Variants in CDH13 observed in about 807,000 individuals in gnomAD.
CDH13 encodes cadherin 13.
CDH13 carries 24 observed loss-of-function variants against 63.8 expected under a neutral mutation model. The ratio of observed to expected loss-of-function variants is 0.38; its 90% CI spans 0.27 to 0.53. The LOEUF is 0.53. CDH13 is among the 20% of genes least tolerant of loss of function. The pLI is 0.85. For missense variants in CDH13, 1,049 were observed against 903.1 expected (o/e 1.16, Z -2.07); for synonymous variants, 503 against 355.3 (o/e 1.42, Z -4.67).
intron 3 of CDH13, among the ~76,000 whole-genome samples, chr16:83,086,981 G>T (rs1376183564): frequency 1.3e-5 from 2 of 152,132 alleles, no homozygotes; most frequent in Non-Finnish European, 2.9e-5. Context: ...TATAAAAAAA[G>T]ACTTCCTGTC....
chr16:83,202,044 G>A (rs2039047596), intron 4 of CDH13, among the ~76,000 whole-genome samples: 2 of 152,174 alleles, frequency 1.3e-5, no homozygotes, highest in Admixed American at 6.5e-5. Flanking sequence ...AGTTTTCCCT[G>A]TAGGCTGTTT....
chr16:83,373,911 A>T (rs1382217167), intron 6 of CDH13, among the ~76,000 whole-genome samples: 2 of 152,166 alleles, frequency 1.3e-5, no homozygotes, highest in Non-Finnish European at 2.9e-5. Context: ...AACCGCAGGC[A>T]ACCCGAAAGG....
At chr16:83,495,402 T>G (rs2074111834) in intron 7 of CDH13, among the ~76,000 whole-genome samples, 1 of 152,132 alleles carries the variant, frequency 6.6e-6, no homozygotes, top group South Asian at 2.1e-4. Flanking sequence ...GATAAGGGGT[T>G]GTGGAGACTG....
intron 6 of CDH13, among the ~76,000 whole-genome samples, chr16:83,401,399 C>T (rs954546784): frequency 7.3e-5 from 11 of 150,642 alleles, no homozygotes; most frequent in Non-Finnish European, 1.3e-4. Context: ...GCGTGGTAGG[C>T]GTGGTGGGAA....
chr16:83,291,915 CA>C (rs2089475519), intron 5 of CDH13, among the ~76,000 whole-genome samples: 1 of 152,126 alleles, frequency 6.6e-6, no homozygotes, highest in Non-Finnish European at 1.5e-5. Context: ...AGAGTTCCTC[CA>C]AGTTGTTTTT....
At chr16:83,209,517 T>C (rs1427856229) in intron 4 of CDH13, among the ~76,000 whole-genome samples, 2 of 152,198 alleles carry the variant, frequency 1.3e-5, no homozygotes, top group African/African-American at 4.8e-5. Flanking sequence ...TGGCTGCATT[T>C]TCCAAGAAAA....
At chr16:83,266,614 A>C (rs950265468) in intron 5 of CDH13, among the ~76,000 whole-genome samples, 5 of 152,204 alleles carry the variant, frequency 3.3e-5, no homozygotes, top group African/African-American at 1.2e-4. Context: ...ATACCTAAAA[A>C]ATGGAAAAGG....
At chr16:83,014,752 A>ATATATATATATATATATATATG (rs1914534837) in intron 2 of CDH13, among the ~76,000 whole-genome samples, 7 of 41,120 alleles carry the variant, frequency 1.7e-4, no homozygotes, top group Non-Finnish European at 2.5e-4. Flanking sequence ...AAATATATAT[A>ATATATATATATATATATATATG]TATATATATA....
intron 7 of CDH13, among the ~76,000 whole-genome samples, chr16:83,535,385 T>C (rs1293876930): frequency 4.6e-5 from 7 of 152,216 alleles, no homozygotes; most frequent in Non-Finnish European, 8.8e-5. Flanking sequence ...TGTGGCCACA[T>C]TGTAGATGGG....
At chr16:83,026,157 T>C (rs1311781457) in intron 2 of CDH13, among the ~76,000 whole-genome samples, 1 of 152,230 alleles carries the variant, frequency 6.6e-6, no homozygotes, top group Non-Finnish European at 1.5e-5. Context: ...ACTGCAGTTG[T>C]TCTCAGTGTG....
intron 2 of CDH13, among the ~76,000 whole-genome samples, chr16:82,964,254 C>G (rs1389129323): frequency 2.0e-5 from 3 of 152,170 alleles, no homozygotes; most frequent in African/African-American, 7.2e-5. Flanking sequence ...CCCTGTAAAG[C>G]ATTTTACTCT....
intron 1 of CDH13, among the ~76,000 whole-genome samples, chr16:82,667,540 C>G (rs1012652180): frequency 4.6e-5 from 7 of 152,150 alleles, no homozygotes; most frequent in Non-Finnish European, 8.8e-5. Flanking sequence ...TGGGGCTCCT[C>G]TACCGAGTTA....
chr16:83,418,491 T>A (rs9929139), intron 6 of CDH13, among the ~76,000 whole-genome samples: 1,814 of 152,260 alleles, frequency 0.012, 34 homozygotes, highest in African/African-American at 0.042. Context: ...CATAGGTCAG[T>A]AGGTTGTTCC....
At chr16:82,911,694 T>A (rs1187952888) in intron 2 of CDH13, among the ~76,000 whole-genome samples, 1 of 152,126 alleles carries the variant, frequency 6.6e-6, no homozygotes, top group East Asian at 1.9e-4. Context: ...CTGGTAAACA[T>A]GGGTGTTCAG....
intron 6 of CDH13, among the ~76,000 whole-genome samples, chr16:83,444,676 G>A (rs1293147607): frequency 3.3e-5 from 5 of 152,156 alleles, no homozygotes; most frequent in Non-Finnish European, 7.4e-5. Flanking sequence ...AATAGTAACT[G>A]GCGAGCTGGA....
At chr16:82,827,363 T>C (rs1156695055) in intron 1 of CDH13, among the ~76,000 whole-genome samples, 3 of 151,960 alleles carry the variant, frequency 2.0e-5, no homozygotes, top group African/African-American at 7.3e-5. Flanking sequence ...GTCTTTAAGG[T>C]ATGAAGGGGT....
rs766146768 is a variant in CDH13, at chr16:83,780,122, C to T, written c.1836C>T (p.His612=). ...VILGASDKDL[H]PNTDPFKFEI... is the part of the protein sequence containing the mutation. ...TGGGAGCATCAGATAAGGATCTTCACCCGAATACAGATCCTTTCAAATTTG... is the reference window on the plus strand; with the variant it reads ...TGGGAGCATCAGATAAGGATCTTCATCCGAATACAGATCCTTTCAAATTTG... The change falls in exon 12 of 14, where the codon CAC becomes CAT. Residue 612 remains histidine (H), a synonymous_variant. Coordinates refer to ENST00000567109, the MANE Select transcript of CDH13 (RefSeq NM_001257.5). The T allele has an allele frequency of 6.2e-7, 1 of 1,613,510 alleles. No individual in the cohort carries two copies. Among genetic ancestry groups the T allele is most frequent in the Non-Finnish European group, 8.5e-7 (1 of 1,179,654 alleles).
chr16:83,172,508 A>G (rs1009449676), intron 4 of CDH13, among the ~76,000 whole-genome samples: 1 of 152,014 alleles, frequency 6.6e-6, no homozygotes, highest in Admixed American at 6.6e-5. Context: ...AAAAAAAGCT[A>G]AAAACACAAA....
chr16:82,832,610 A>G (rs1473562593), intron 1 of CDH13, among the ~76,000 whole-genome samples: 6 of 152,210 alleles, frequency 3.9e-5, no homozygotes, highest in African/African-American at 1.4e-4. Context: ...GCAAAAAAAA[A>G]AAAATGAATC....
Sources: gnomAD v4.1 joint callset for allele counts (sites outside exome capture counted in the v4.1 genomes callset) on GRCh38, gnomAD v4.1.1 for gene constraint, MANE v1.5 for transcripts, NCBI Gene and HGNC (gene_info 2026-07-23, HGNC 2026-07-21) for gene names.